The following DCN variants were observed in gnomAD, a reference collection of about 807,000 sequenced individuals.
The protein encoded by DCN is bone proteoglycan II.
Under a neutral mutation model 36.5 loss-of-function variants are expected in DCN, and 17 were observed. The ratio of observed to expected loss-of-function variants is 0.47; its 90% confidence interval spans 0.32 to 0.70. The LOEUF (loss-of-function observed/expected upper bound fraction) is 0.70, where lower values mean the gene tolerates loss of function less well. DCN is among the 30% of genes least tolerant of loss of function. DCN has a pLI of 0.04. For synonymous variants in DCN, 163 were observed against 161.4 expected, an observed-to-expected ratio of 1.01 and a Z score of -0.07; for missense variants, 389 against 430.1, an observed-to-expected ratio of 0.90 and a Z score of 0.84.
intron 2 of DCN, among the ~76,000 whole-genome samples, chr12:91,169,282 G>A (rs1427794339): frequency 1.3e-5 from 2 of 149,790 alleles, no homozygotes; most frequent in African/African-American, 4.9e-5. Context: ...CCATCTACTC[G>A]GGAAGGAGGA....
chr12:91,172,635 T>C (rs979448587), intron 2 of DCN: 5 of 586,424 alleles, frequency 8.5e-6, no homozygotes, highest in Admixed American at 2.8e-5. Context: ...GGAGCAAGGA[T>C]GCACTGAGAA....
chr12:91,146,605 C>T (rs529812416), intron 7 of DCN, among the ~76,000 whole-genome samples: 5 of 152,256 alleles, frequency 3.3e-5, no homozygotes, highest in African/African-American at 1.2e-4. Context: ...CCGGCCACCT[C>T]AGCCTCCTGA....
Position 91,157,080 on chromosome 12 carries a change from G to A in DCN, c.647C>T (p.Pro216Leu). 2.5e-6 allele frequency: 4 copies of A among 1,573,038 alleles called. No individual in the cohort carries two copies. The highest frequency in any genetic ancestry group is 2.2e-5 in the East Asian group (1 of 44,686). ...TTTGGAGAATCTTCTATCACCTTGA[G>A]GAATGCTGGTGATATTGGTATCAGC... ...RIADTNITSI[P>L]QGLPPSLTEL... Residue 216 changes from proline (P) to leucine (L), a missense_variant, in exon 5 of 8, where the codon CCT becomes CTT. Transcript: ENST00000052754.
In DCN at chr12:91,145,073, C is replaced by T. The variant is rs1880925329; in HGVS notation, c.*985G>A. 6.6e-6 allele frequency: 1 copy of T among 152,144 alleles called. No individual in the cohort carries two copies. Among genetic ancestry groups the T allele is most frequent in the Non-Finnish European group, 1.5e-5 (1 of 68,020 alleles). The allele number at this position is 152,144 out of a possible 1,614,324, so 9.4% of individuals were successfully genotyped here. A position where few individuals can be genotyped will look rare whatever the true frequency, so the allele number is the denominator to read the frequency against. The stretch of plus-strand genomic sequence containing the variant: ...ATTTGCTTATTAATTGTTGATAGCA[C>T]AAATGTACAATTTGATAAATGTTTA... On this transcript the variant is annotated 3_prime_UTR_variant, in exon 8 of 8. Coordinates refer to ENST00000052754, the MANE Select transcript of DCN (RefSeq NM_001920.5).
chr12:91,170,690 A>C (rs769378636), intron 2 of DCN, among the ~76,000 whole-genome samples: 4 of 152,204 alleles, frequency 2.6e-5, no homozygotes, highest in Non-Finnish European at 4.4e-5. Context: ...GCTCGGGTTA[A>C]AATCAACTTG....
Position 91,146,062 on chromosome 12 carries a change from T to C in DCN, c.1076A>G (p.Lys359Arg). The change falls in exon 8 of 8, where the codon AAG (lysine) becomes AGG (arginine). Residue 359 changes from lysine (K) to arginine (R), a missense_variant. Physicochemically the swap from Lys to Arg is conservative, Grantham distance 26. Coordinates refer to ENST00000052754, the MANE Select transcript of DCN (RefSeq NM_001920.5). Reference protein sequence around the residue: ...VRSAIQLGNYK With the variant: ...VRSAIQLGNYR ...AAATGAGGGCTTTCTTGAGAATTAC[T>C]TATAGTTTCCGAGTTGAATGGCAGA... 1 of 1,613,186 alleles carries C rather than the reference T, an allele frequency of 6.2e-7. No individual in the cohort carries two copies. The highest frequency in any genetic ancestry group is 8.5e-7 in the Non-Finnish European group (1 of 1,179,182).
At chr12:91,148,798 G>GTTTTTGT (rs1397313756) in intron 7 of DCN, among the ~76,000 whole-genome samples, 1 of 149,028 alleles carries the variant, frequency 6.7e-6, no homozygotes, top group African/African-American at 2.5e-5. Context: ...ATGTGCTGGT[G>GTTTTTGT]AAAACGGCTT....
intron 2 of DCN, among the ~76,000 whole-genome samples, chr12:91,167,798 T>C (rs1882675432): frequency 1.3e-5 from 2 of 152,152 alleles, no homozygotes; most frequent in African/African-American, 4.8e-5. Context: ...CCAGGATAGT[T>C]TGAGTCCTCA....
intron 6 of DCN, 38 bp from the exon 7 acceptor site, chr12:91,151,830 A>G (rs573115350): frequency 6.2e-7 from 1 of 1,612,370 alleles, no homozygotes. Context: ...AACACCACAC[A>G]TGGATGCCTT....
In DCN at chr12:91,140,656, A is replaced by T. The variant is rs1434651681; in HGVS notation, c.*5402T>A. The stretch of plus-strand genomic sequence containing the variant: ...GAAGGATCACAATCTATATTCCGGC[A>T]TCTCTAGAATTTATGTCTACAGCTC... On this transcript the variant is annotated 3_prime_UTR_variant, in exon 8 of 8. Coordinates refer to ENST00000052754, the MANE Select transcript of DCN (RefSeq NM_001920.5). 6.6e-6 allele frequency: 1 copy of T among 152,218 alleles called. No homozygotes were observed. Among genetic ancestry groups the T allele is most frequent in the East Asian group, 1.9e-4 (1 of 5,196 alleles). 9.4% of individuals were successfully genotyped at this position (152,218 alleles called of 1,614,324 possible).
At chr12:91,178,616 T>C in intron 1 of DCN, 31 bp from the exon 2 acceptor site, 2 of 1,316,474 alleles carry the variant, frequency 1.5e-6, no homozygotes, top group East Asian at 2.3e-5. Flanking sequence ...TTAAGAAGAG[T>C]AGCACTGCCT....
chr12:91,140,789 G>C lies in DCN; in HGVS notation c.*5269C>G, dbSNP rs1880732607. 6.6e-6 allele frequency: 1 copy of C among 152,164 alleles called. No homozygotes were observed. Among genetic ancestry groups the C allele is most frequent in the Non-Finnish European group, 1.5e-5 (1 of 68,026 alleles). The allele number at this position is 152,164 out of a possible 1,614,324, so 9.4% of individuals were successfully genotyped here. A position where few individuals can be genotyped will look rare whatever the true frequency, so the allele number is the denominator to read the frequency against. The stretch of plus-strand genomic sequence containing the variant: ...AGAACAGATTCAAAACCAGATATTT[G>C]ATTCTCAGTTCTTCCAGCTCAACCT... On this transcript the variant is annotated 3_prime_UTR_variant, in exon 8 of 8. Coordinates refer to ENST00000052754, the MANE Select transcript of DCN (RefSeq NM_001920.5).
intron 2 of DCN, among the ~76,000 whole-genome samples, chr12:91,171,041 A>T (rs1882926123): frequency 6.6e-6 from 1 of 152,174 alleles, no homozygotes; most frequent in African/African-American, 2.4e-5. Flanking sequence ...TCATAAAATG[A>T]TATAAAAAGT....
chr12:91,146,328 T>C lies in DCN; in HGVS notation c.886-76A>G, dbSNP rs939224372. 18 of 815,444 alleles carry C rather than the reference T, an allele frequency of 2.2e-5. No homozygotes were observed. The African/African-American group carries it at 2.9e-4, about 13-fold the overall frequency. The allele number at this position is 815,444 out of a possible 1,614,324, so 50.5% of individuals were successfully genotyped here. The stretch of plus-strand genomic sequence containing the variant: ...GCCCTTCAGGTAAACATTTTATTTT[T>C]TTTATTATTTTTTAATCCTTCACTT... On this transcript the variant is annotated intron_variant, in intron 7 of 7. Transcript: ENST00000052754.
chr12:91,158,263 G>A (rs773363001), intron 4 of DCN, 33 bp downstream of exon 4: 3 of 1,374,926 alleles, frequency 2.2e-6, no homozygotes, highest in African/African-American at 2.9e-5. Context: ...AAAAACTTGA[G>A]TTTTGGTCTT....
At chr12:91,156,984 G>A (rs1198232584) in intron 5 of DCN, 91 bp downstream of exon 5, 11 of 886,090 alleles carry the variant, frequency 1.2e-5, no homozygotes, top group Non-Finnish European at 2.0e-5. Context: ...GGCCTCTTAG[G>A]TGACAATTCC....
At chr12:91,165,583 T>C (rs3138296) in intron 2 of DCN, among the ~76,000 whole-genome samples, 1 of 152,260 alleles carries the variant, frequency 6.6e-6, no homozygotes, top group Non-Finnish European at 1.5e-5. Context: ...TGAATCATAA[T>C]AGAGAAAATT....
In DCN at chr12:91,144,994, G is replaced by C. The variant is rs1880922808; in HGVS notation, c.*1064C>G. 1 of 151,990 alleles carries C rather than the reference G, an allele frequency of 6.6e-6. No individual in the cohort carries two copies. Among genetic ancestry groups the C allele is most frequent in the African/African-American group, 2.4e-5 (1 of 41,362 alleles). 9.4% of individuals were successfully genotyped at this position (151,990 alleles called of 1,614,324 possible). A position where few individuals can be genotyped will look rare whatever the true frequency, so the allele number is the denominator to read the frequency against. On this transcript the variant is annotated 3_prime_UTR_variant, in exon 8 of 8. Transcript: ENST00000052754. ...TCCCATATGAAACTATGATTTATAG[G>C]GGTTTTAACCATCAAATATCTAACT...
chr12:91,169,393 A>C (rs1882792100), intron 2 of DCN, among the ~76,000 whole-genome samples: 1 of 151,408 alleles, frequency 6.6e-6, no homozygotes, highest in Non-Finnish European at 1.5e-5. Flanking sequence ...AAAAAAAAAA[A>C]AAAAAAAACC....
Sources: gnomAD v4.1 joint callset for allele counts (sites outside exome capture counted in the v4.1 genomes callset) on GRCh38, gnomAD v4.1.1 for gene constraint, MANE v1.5 for transcripts, NCBI Gene and HGNC (gene_info 2026-07-23, HGNC 2026-07-21) for gene names.